Variants in NPHP4 observed in about 807,000 individuals in gnomAD.
The protein encoded by NPHP4 is nephrocystin-4.
Under a neutral mutation model 155.8 loss-of-function variants are expected in NPHP4, and 151 were observed. The ratio of observed to expected loss-of-function variants is 0.97; its 90% CI spans 0.85 to 1.11. The LOEUF is 1.11. NPHP4 is among the 50% of genes least tolerant of loss of function. NPHP4 has a pLI of 0.00. For missense variants in NPHP4, 1,956 were observed against 1,925.7 expected (o/e 1.02, Z -0.29); for synonymous variants, 845 against 816.8 (o/e 1.03, Z -0.59).
Position 5,877,102 on chromosome 1 carries a change from C to G in NPHP4, c.2808G>C (p.Thr936=). 6.4e-7 allele frequency: 1 copy of G among 1,568,282 alleles called. No homozygotes were observed. The highest frequency in any genetic ancestry group is 8.7e-7 in the Non-Finnish European group (1 of 1,148,110). The change falls in exon 20 of 30, where the codon ACG becomes ACC. Residue 936 remains threonine, a synonymous_variant. Transcript: ENST00000378156. ...CTGAACAAACCCTTACCAACACGCT[C>G]GTCCCGCGCCGGCCCAAGTCTCCCC... ...EAGGDLGRRG[T]SVLAQQSVRT... is the part of the protein sequence containing the mutation.
intron 16 of NPHP4, among the ~76,000 whole-genome samples, chr1:5,895,645 G>A (rs763017865): frequency 3.9e-5 from 6 of 152,192 alleles, no homozygotes; most frequent in Non-Finnish European, 7.3e-5. Flanking sequence ...CAGTGGCCCC[G>A]GGCAGCGGCA....
At chr1:5,976,137 G>T (rs779426162) in intron 3 of NPHP4, among the ~76,000 whole-genome samples, 1 of 152,156 alleles carries the variant, frequency 6.6e-6, no homozygotes, top group Non-Finnish European at 1.5e-5. Flanking sequence ...AGGAGGTCAC[G>T]GAGGCCACAG....
chr1:5,871,852 G>T (rs945479471), intron 23 of NPHP4, among the ~76,000 whole-genome samples: 3 of 152,178 alleles, frequency 2.0e-5, no homozygotes, highest in South Asian at 2.1e-4. Flanking sequence ...TGCGTTGACT[G>T]GGGGCAGCAA....
intron 1 of NPHP4, among the ~76,000 whole-genome samples, chr1:5,991,948 GGC>G (rs1656425470): frequency 7.1e-6 from 1 of 140,124 alleles, no homozygotes; most frequent in Non-Finnish European, 1.6e-5. Flanking sequence ...GGGGGCAGGG[GGC>G]AGGGGGCAAA....
intron 6 of NPHP4, among the ~76,000 whole-genome samples, chr1:5,953,590 A>T (rs1400513792): frequency 2.6e-5 from 4 of 152,236 alleles, no homozygotes; most frequent in African/African-American, 7.2e-5. Flanking sequence ...CTGAGCAGGC[A>T]TGAGCCTGTC....
In NPHP4 at chr1:5,874,625, A is replaced by C; in HGVS notation, c.3077T>G (p.Phe1026Cys). 6.2e-7 allele frequency: 1 copy of C among 1,612,118 alleles called. No individual in the cohort carries two copies. Among genetic ancestry groups the C allele is most frequent in the Non-Finnish European group, 8.5e-7 (1 of 1,179,574 alleles). ...VIVDSQEWRDFKGAAGLHTPV... is the reference protein window; with the variant it reads ...VIVDSQEWRDCKGAAGLHTPV... The stretch of plus-strand genomic sequence containing the variant: ...TGTGTGCAGGCCAGCAGCACCCTTG[A>C]AGTCCCTCCACTCCTGACTGTCCAC... The change falls in exon 22 of 30, where the codon TTC becomes TGC. Residue 1026 changes from phenylalanine to cysteine, a missense_variant. By Grantham distance (205) the Phe-to-Cys change is radical. Transcript: ENST00000378156.
At chr1:5,988,056 T>C (rs1334763007) in intron 1 of NPHP4, among the ~76,000 whole-genome samples, 1 of 152,236 alleles carries the variant, frequency 6.6e-6, no homozygotes, top group Non-Finnish European at 1.5e-5. Flanking sequence ...AAGGTCTGCA[T>C]GACTCCGTGA....
chr1:5,887,600 C>A (rs1176087863), intron 17 of NPHP4, 134 bp from the exon 18 acceptor site: 7 of 865,928 alleles, frequency 8.1e-6, no homozygotes, highest in African/African-American at 3.4e-5. Context: ...CAGGATAAGA[C>A]CCTGCACCAC....
rs114855547 is a variant in NPHP4, at chr1:5,873,920, G to A, written c.3231+551C>T. 4.7e-3 allele frequency: 974 copies of A among 207,344 alleles called. 11 individuals are homozygous for A. The highest frequency in any genetic ancestry group is 0.022 in the African/African-American group (905 of 41,428). 12.8% of individuals were successfully genotyped at this position (207,344 alleles called of 1,614,324 possible). A position where few individuals can be genotyped will look rare whatever the true frequency, so the allele number is the denominator to read the frequency against. The stretch of plus-strand genomic sequence containing the variant: ...ACCCCTACACGCACAACTCCTGCAC[G>A]CGTGCCTCACACACACCCTGCATAC... On this transcript the variant is annotated intron_variant, in intron 22 of 29. Transcript: ENST00000378156.
At chr1:5,866,511 G>GC (rs1325892450) in intron 25 of NPHP4, 53 bp from the exon 26 acceptor site, 12 of 1,074,024 alleles carry the variant, frequency 1.1e-5, no homozygotes, top group Non-Finnish European at 1.6e-5. Context: ...GCCGACCCCA[G>GC]CCTGGCCCCT....
At chr1:5,866,134 C>T (rs1258151522) in intron 26 of NPHP4, 2 of 559,294 alleles carry the variant, frequency 3.6e-6, no homozygotes, top group Non-Finnish European at 6.4e-6. Flanking sequence ...GGTGTCTCTC[C>T]TTGGTGGCAG....
intron 9 of NPHP4, among the ~76,000 whole-genome samples, chr1:5,938,697 C>G (rs1646673191): frequency 6.6e-6 from 1 of 152,268 alleles, no homozygotes; most frequent in African/African-American, 2.4e-5. Flanking sequence ...TGCCAGCACT[C>G]ATTTAATTTT....
At chr1:5,902,424 T>A (rs932233612) in intron 16 of NPHP4, among the ~76,000 whole-genome samples, 15 of 152,194 alleles carry the variant, frequency 9.9e-5, no homozygotes, top group African/African-American at 3.6e-4. Context: ...TTATCATGAA[T>A]AAATGCATGA....
intron 26 of NPHP4, 47 bp downstream of exon 26, chr1:5,866,326 C>A: frequency 7.8e-7 from 1 of 1,275,976 alleles, no homozygotes; most frequent in Admixed American, 1.9e-5. Context: ...CCTGCCTCCT[C>A]CTCTCCTCCG....
rs994858722 is a variant in NPHP4, at chr1:5,863,184, C to T, written c.*81G>A. On this transcript the variant is annotated 3_prime_UTR_variant, in exon 30 of 30. Transcript: ENST00000378156. ...ACTGAAGTGAAAGGCTGCAGAGAGG[C>T]GGGGAGGACAGCCTGCAGGGCAGGA... The T allele has an allele frequency of 1.7e-5, 24 of 1,432,418 alleles. No individual in the cohort carries two copies. The highest frequency in any genetic ancestry group is 3.6e-5 in the South Asian group (3 of 83,182). 88.7% of individuals were successfully genotyped at this position (1,432,418 alleles called of 1,614,324 possible).
intron 6 of NPHP4, among the ~76,000 whole-genome samples, chr1:5,959,261 T>C (rs1015582284): frequency 1.3e-5 from 2 of 152,226 alleles, no homozygotes; most frequent in African/African-American, 4.8e-5. Context: ...CAGCATTCGT[T>C]TGGCACCTTG....
chr1:5,873,300 G>A lies in NPHP4; in HGVS notation c.3267C>T (p.Asp1089=), dbSNP rs187149431. Residue 1089 remains aspartate, a synonymous_variant, in exon 23 of 30, where the codon GAC becomes GAT. Coordinates refer to ENST00000378156, the MANE Select transcript of NPHP4 (RefSeq NM_015102.5). ...CGCTGGACTTCCAAGGTGACACGGCGTCCATGCCCTTCTCGTTGCTCAACC... is the reference window on the plus strand; with the variant it reads ...CGCTGGACTTCCAAGGTGACACGGCATCCATGCCCTTCTCGTTGCTCAACC... ...SPGLSNEKGM[D]AVSPWKSSAV... 1.3e-4 allele frequency: 204 copies of A among 1,613,948 alleles called. No individual in the cohort carries two copies. The highest frequency in any genetic ancestry group is 8.3e-4 in the Middle Eastern group (5 of 6,060).
chr1:5,886,237 T>C (rs191611430), intron 18 of NPHP4, among the ~76,000 whole-genome samples: 15 of 152,358 alleles, frequency 9.8e-5, no homozygotes, highest in Admixed American at 2.0e-4. Flanking sequence ...TAATTGAGTT[T>C]TGCTGTGTCC....
intron 1 of NPHP4, among the ~76,000 whole-genome samples, chr1:5,987,114 T>C (rs145551188): frequency 1.3e-5 from 2 of 152,110 alleles, no homozygotes; most frequent in African/African-American, 4.8e-5. Context: ...TTCAGCTACA[T>C]GAACAAAGTC....
Sources: gnomAD v4.1 joint callset for allele counts (sites outside exome capture counted in the v4.1 genomes callset) on GRCh38, gnomAD v4.1.1 for gene constraint, MANE v1.5 for transcripts, NCBI Gene and HGNC (gene_info 2026-07-23, HGNC 2026-07-21) for gene names.